Variants in DRICH1 observed in about 807,000 individuals in gnomAD.
DRICH1 encodes the protein aspartate rich 1.
Under a neutral mutation model 39.5 loss-of-function variants are expected in DRICH1, and 38 were observed. The observed-to-expected ratio is 0.96, with a 90% CI of 0.74 to 1.26. DRICH1 has a LOEUF of 1.26. DRICH1 is among the 50% of genes most tolerant of loss of function. DRICH1 has a pLI of 0.00. For missense variants in DRICH1, 279 were observed against 270.4 expected, an observed-to-expected ratio of 1.03 and a Z score of -0.22; for synonymous variants, 84 against 99.5, an observed-to-expected ratio of 0.84 and a Z score of 0.93.
chr22:23,585,270 T>C, the DRICH1 span, among the ~76,000 whole-genome samples: 1 of 152,100 alleles, frequency 6.6e-6, no homozygotes, highest in East Asian at 1.9e-4. Context: ...CCGAAGTAGC[T>C]GGAACTAGAG....
At chr22:23,597,033 G>A in the DRICH1 span, among the ~76,000 whole-genome samples, 2 of 150,102 alleles carry the variant, frequency 1.3e-5, no homozygotes, top group South Asian at 2.2e-4. Context: ...GTGGTTAGAC[G>A]CACATGTACT....
intron 3 of DRICH1, among the ~76,000 whole-genome samples, chr22:23,622,891 C>T (rs1452203642): frequency 2.0e-5 from 3 of 149,750 alleles, no homozygotes; most frequent in Non-Finnish European, 4.4e-5. Flanking sequence ...CTAACTACAC[C>T]AGTGAATCTG....
the DRICH1 span, among the ~76,000 whole-genome samples, chr22:23,595,994 A>G: frequency 6.6e-6 from 1 of 152,182 alleles, no homozygotes; most frequent in Non-Finnish European, 1.5e-5. Context: ...AATGTCTGAA[A>G]TCCCAGGAAC....
the DRICH1 span, among the ~76,000 whole-genome samples, chr22:23,589,123 CACA>C: frequency 6.9e-6 from 1 of 145,792 alleles, no homozygotes; most frequent in Middle Eastern, 3.6e-3. Flanking sequence ...CACACACACA[CACA>C]CCCCTTTGAT....
At chr22:23,632,374 C>A (rs1602357874), upstream of DRICH1, 1 of 307,652 alleles carries the variant, frequency 3.3e-6, no homozygotes, top group Non-Finnish European at 6.2e-6. Context: ...TCCTATGTCA[C>A]CTGGTTACCA....
At position 23,631,796 on chromosome 22, in the gene DRICH1, G is replaced by A. The variant is rs1422030614; in HGVS notation, c.208+20C>T. On this transcript the variant is annotated intron_variant, in intron 1 of 11. Transcript: ENST00000317749. ...GCCAGAGGTGTGCCAGAGGGTAAACGGCACCCGTGGCTTTTTTACCTGTGG... is the reference window on the plus strand; with the variant it reads ...GCCAGAGGTGTGCCAGAGGGTAAACAGCACCCGTGGCTTTTTTACCTGTGG... 5.6e-6 allele frequency: 9 copies of A among 1,605,012 alleles called. No individual in the cohort carries two copies. The highest frequency in any genetic ancestry group is 2.2e-5 in the South Asian group (2 of 90,788).
At chr22:23,588,092 A>G in the DRICH1 span, among the ~76,000 whole-genome samples, 44,096 of 151,910 alleles carry the variant, frequency 0.29, 6,743 homozygotes, top group Middle Eastern at 0.38. Flanking sequence ...GATAAAATCT[A>G]TTTTGACCCT....
downstream of DRICH1, among the ~76,000 whole-genome samples, chr22:23,603,765 G>C: frequency 6.6e-6 from 1 of 152,018 alleles, no homozygotes; most frequent in East Asian, 1.9e-4. Context: ...CTGTCCTCCT[G>C]ACTGCACAGT....
the DRICH1 span, among the ~76,000 whole-genome samples, chr22:23,595,606 G>T: frequency 9.3e-4 from 142 of 152,270 alleles, no homozygotes; most frequent in African/African-American, 3.0e-3. Context: ...TTTCTAGGTG[G>T]CTTCATAAAT....
chr22:23,615,608 G>A (rs1275897407), intron 8 of DRICH1, among the ~76,000 whole-genome samples: 1 of 152,192 alleles, frequency 6.6e-6, no homozygotes, highest in African/African-American at 2.4e-5. Flanking sequence ...AGACTCACAA[G>A]AACTGCTATC....
intron 3 of DRICH1, among the ~76,000 whole-genome samples, chr22:23,622,689 G>T (rs1927825740): frequency 1.2e-5 from 1 of 86,390 alleles, no homozygotes; most frequent in Non-Finnish European, 2.6e-5. Context: ...ATTTAAAAAA[G>T]AATATGAAAA....
the DRICH1 span, among the ~76,000 whole-genome samples, chr22:23,592,873 C>A: frequency 1.1e-4 from 16 of 139,990 alleles, no homozygotes; most frequent in South Asian, 1.6e-3. Flanking sequence ...CACACACACA[C>A]ACACACAAAA....
chr22:23,591,784 A>G, the DRICH1 span, among the ~76,000 whole-genome samples: 1 of 152,248 alleles, frequency 6.6e-6, no homozygotes, highest in African/African-American at 2.4e-5. Flanking sequence ...ACATGAAAAC[A>G]TAACAATGAG....
intron 11 of DRICH1, among the ~76,000 whole-genome samples, chr22:23,610,817 C>CTTTT (rs564389276): frequency 7.0e-6 from 1 of 143,096 alleles, no homozygotes; most frequent in South Asian, 2.2e-4. Flanking sequence ...TAAAAGCACT[C>CTTTT]TTTTTTTTTT....
chr22:23,592,250 T>C, the DRICH1 span, among the ~76,000 whole-genome samples: 41 of 152,270 alleles, frequency 2.7e-4, no homozygotes, highest in African/African-American at 9.4e-4. Flanking sequence ...TAGAAAGCAC[T>C]CTGGCTGCCA....
chr22:23,614,311 T>A, intron 8 of DRICH1, 97 bp from the exon 9 acceptor site: 2 of 839,558 alleles, frequency 2.4e-6, no homozygotes, highest in Non-Finnish European at 4.1e-6. Flanking sequence ...GGTGGTTGAT[T>A]AACAAGCATG....
chr22:23,603,785 T>C (rs1353015457), downstream of DRICH1, among the ~76,000 whole-genome samples: 1 of 152,040 alleles, frequency 6.6e-6, no homozygotes, highest in Non-Finnish European at 1.5e-5. Flanking sequence ...TCCCCCTGCG[T>C]TTGGCCCACC....
At chr22:23,611,564 T>C (rs932765386) in intron 11 of DRICH1, among the ~76,000 whole-genome samples, 2 of 152,098 alleles carry the variant, frequency 1.3e-5, no homozygotes, top group African/African-American at 4.8e-5. Context: ...GCTAATGTTT[T>C]GTATTTTTAG....
chr22:23,585,164 G>A, the DRICH1 span, among the ~76,000 whole-genome samples: 1 of 151,328 alleles, frequency 6.6e-6, no homozygotes, highest in Non-Finnish European at 1.5e-5. Flanking sequence ...TAGAGACAGG[G>A]TCTTGCTGTG....
Sources: gnomAD v4.1 joint callset for allele counts (sites outside exome capture counted in the v4.1 genomes callset) on GRCh38, gnomAD v4.1.1 for gene constraint, MANE v1.5 for transcripts, NCBI Gene and HGNC (gene_info 2026-07-23, HGNC 2026-07-21) for gene names.